Variants in KCNQ2 observed in about 807,000 individuals in gnomAD.
KCNQ2 encodes the protein potassium voltage-gated channel subfamily Q member 2, also known as potassium voltage-gated channel subfamily KQT member 2.
In KCNQ2, 14 loss-of-function variants were observed where a neutral mutation model predicts 84.8. The ratio of observed to expected loss-of-function variants is 0.17; its 90% CI spans 0.11 to 0.26. The LOEUF (loss-of-function observed/expected upper bound fraction) is 0.26. KCNQ2 is among the 10% of genes least tolerant of loss of function. The pLI is 1.00. For synonymous variants in KCNQ2, 599 were observed against 554.1 expected (o/e 1.08, Z -1.14); for missense variants, 788 against 1,254.0 (o/e 0.63, Z 5.61).
chr20:63,442,646 A>T, intron 4 of KCNQ2, 115 bp from the exon 5 acceptor site: 2 of 818,710 alleles, frequency 2.4e-6, no homozygotes, highest in Non-Finnish European at 1.9e-6. Flanking sequence ...CACCACCAAA[A>T]CCATCACCAC....
chr20:63,437,696 T>G (rs927724755), intron 7 of KCNQ2, among the ~76,000 whole-genome samples: 12 of 152,278 alleles, frequency 7.9e-5, no homozygotes, highest in African/African-American at 2.7e-4. Context: ...AGAGAGCCTA[T>G]AGCCACATTC....
In KCNQ2 at chr20:63,426,311, G is replaced by A. The variant is rs570591605; in HGVS notation, c.1217+2056C>T. ...TCCATCTTCAGGCCTCTGTGGAGAC[G>A]GTGGAGGCTGCAGCCGCACACCTGG... On this transcript the variant is annotated intron_variant, in intron 10 of 16. Coordinates refer to ENST00000359125, the MANE Select transcript of KCNQ2 (RefSeq NM_172107.4). Among the ~76,000 whole-genome samples, 12 of 152,344 alleles carry A rather than the reference G, an allele frequency of 7.9e-5. No individual in the cohort carries two copies. In the South Asian group the frequency reaches 1.5e-3, roughly 18 times the overall value.
intron 1 of KCNQ2, among the ~76,000 whole-genome samples, chr20:63,457,924 G>A (rs765568244): frequency 6.6e-5 from 10 of 152,122 alleles, no homozygotes; most frequent in South Asian, 2.1e-4. Flanking sequence ...ACTTCGCAGC[G>A]CCTGCTCACG....
At chr20:63,451,325 T>G (rs2081610377) in intron 1 of KCNQ2, among the ~76,000 whole-genome samples, 1 of 152,006 alleles carries the variant, frequency 6.6e-6, no homozygotes, top group Non-Finnish European at 1.5e-5. Flanking sequence ...CTCTGTCTTG[T>G]GTCTTTTTCC....
At chr20:63,418,074 T>A (rs868177792) in intron 12 of KCNQ2, among the ~76,000 whole-genome samples, 1 of 152,126 alleles carries the variant, frequency 6.6e-6, no homozygotes, top group African/African-American at 2.4e-5. Context: ...ACCCAAACTC[T>A]GCACCCTCCA....
chr20:63,449,722 T>C (rs1309261518), intron 1 of KCNQ2, among the ~76,000 whole-genome samples: 1 of 152,146 alleles, frequency 6.6e-6, no homozygotes, highest in East Asian at 1.9e-4. Context: ...TCTGAGCTCC[T>C]GGGAGAAGAG....
At position 63,469,410 on chromosome 20, in the gene KCNQ2, C is replaced by G. The variant is rs370045608; in HGVS notation, c.296+2758G>C. 1.1e-4 allele frequency among the ~76,000 whole-genome samples: 16 copies of G among 152,358 alleles called. No homozygotes were observed. The South Asian group carries it at 3.3e-3, about 32-fold the overall frequency. On this transcript the variant is annotated intron_variant, in intron 1 of 16. Transcript: ENST00000359125. Reference sequence around the variant, plus strand: ...GGCCACGGCTCCCACAGAGGAGCAACAGTGGATGAAGTCCCTCTCTAACTC... The same window carrying G: ...GGCCACGGCTCCCACAGAGGAGCAAGAGTGGATGAAGTCCCTCTCTAACTC...
chr20:63,457,096 G>A (rs1021664113), intron 1 of KCNQ2, among the ~76,000 whole-genome samples: 3 of 152,258 alleles, frequency 2.0e-5, no homozygotes, highest in Non-Finnish European at 4.4e-5. Flanking sequence ...CAGAAGTGAC[G>A]GGCGCGGGCG....
chr20:63,442,698 CCATCACCATCACCACCACCACCACCAT>C (rs2081212479), intron 4 of KCNQ2, among the ~76,000 whole-genome samples, 167 bp from the exon 5 acceptor site: 1 of 100,284 alleles, frequency 1.0e-5, no homozygotes, highest in Non-Finnish European at 2.1e-5. Flanking sequence ...ACCATCACCA[CCATCACCATCACCACCACCACCACCAT>C]CATCACCACC....
Position 63,425,638 on chromosome 20 carries a change from T to C in KCNQ2, c.1218-1432A>G, listed in dbSNP as rs949636130. Among the ~76,000 whole-genome samples the C allele has an allele frequency of 2.0e-5, 3 of 152,198 alleles. No individual in the cohort carries two copies. The East Asian group carries it at 5.8e-4, about 29-fold the overall frequency. Reference sequence around the variant, plus strand: ...GGGAGGTTGAGGGAGGAGAATCACTTGAACCCAGGAGGCAGAGGTTGCAGT... The same window carrying C: ...GGGAGGTTGAGGGAGGAGAATCACTCGAACCCAGGAGGCAGAGGTTGCAGT... On this transcript the variant is annotated intron_variant, in intron 10 of 16. Coordinates refer to ENST00000359125, the MANE Select transcript of KCNQ2 (RefSeq NM_172107.4). The surrounding 1 kb of genome is among the most constrained non-coding windows in gnomAD (Gnocchi z 5.5).
At chr20:63,412,394 C>G (rs563373971) in intron 15 of KCNQ2, 1 of 168,714 alleles carries the variant, frequency 5.9e-6, no homozygotes, top group Non-Finnish European at 1.3e-5. Flanking sequence ...GGAGGGCGTT[C>G]CGCACACACA....
Position 63,408,254 on chromosome 20 carries a change from G to T in KCNQ2, c.1887+159C>A. ...GGGAGGCTCACGGTGGGGTGTGAGG[G>T]GTCTGCACAGAGCAGCTGTCAGTGG... On this transcript the variant is annotated intron_variant, in intron 16 of 16. Coordinates refer to ENST00000359125, the MANE Select transcript of KCNQ2 (RefSeq NM_172107.4). This position sits in a 1 kb window ranked among gnomAD's most constrained non-coding sequence, Gnocchi z 5.0. 1.1e-6 allele frequency: 1 copy of T among 928,942 alleles called. No homozygotes were observed. Among genetic ancestry groups the T allele is most frequent in the Non-Finnish European group, 1.6e-6 (1 of 615,140 alleles). The allele number at this position is 928,942 out of a possible 1,614,324, so 57.5% of individuals were successfully genotyped here. A position where few individuals can be genotyped will look rare whatever the true frequency, so the allele number is the denominator to read the frequency against.
rs570093942 is a variant in KCNQ2, at chr20:63,417,140, G to A, written c.1302-2014C>T. Among the ~76,000 whole-genome samples the A allele has an allele frequency of 2.0e-5, 3 of 152,316 alleles. No individual in the cohort carries two copies. In the East Asian group the frequency reaches 5.8e-4, roughly 29 times the overall value. On this transcript the variant is annotated intron_variant, in intron 12 of 16. Coordinates refer to ENST00000359125, the MANE Select transcript of KCNQ2 (RefSeq NM_172107.4). ...ACACACCGTGCCCATGGGGGCCAGG[G>A]GTGCTCAGAGTCCTGGTGCTGTGGG... is the stretch of plus-strand genomic sequence containing the variant.
intron 14 of KCNQ2, 33 bp from the exon 15 acceptor site, chr20:63,413,614 G>A (rs766821846): frequency 6.2e-7 from 1 of 1,608,442 alleles, no homozygotes; most frequent in Non-Finnish European, 8.5e-7. Context: ...GTGAGCCCTG[G>A]GCCAGAGACC....
chr20:63,443,161 A>T (rs2081283259), intron 4 of KCNQ2, among the ~76,000 whole-genome samples: 1 of 92,774 alleles, frequency 1.1e-5, no homozygotes, highest in South Asian at 4.4e-4. Context: ...CACCGGCGCC[A>T]CCACCATCAC....
rs572667272 is a variant in KCNQ2 at position 63,442,254 on chromosome 20, C to T, written c.816+152G>A. 2.1e-5 allele frequency: 23 copies of T among 1,101,978 alleles called. 1 individual carries two copies. Among genetic ancestry groups the T allele is most frequent in the African/African-American group, 2.0e-4 (13 of 64,730 alleles). 68.3% of individuals were successfully genotyped at this position (1,101,978 alleles called of 1,614,324 possible). On this transcript the variant is annotated intron_variant, in intron 5 of 16. Coordinates refer to ENST00000359125, the MANE Select transcript of KCNQ2 (RefSeq NM_172107.4). ...CCCGCCAGCTTGGCAACCACCACCC[C>T]GCCTCGACCACAAGCCATCATGACC...
intron 1 of KCNQ2, among the ~76,000 whole-genome samples, chr20:63,454,695 G>A (rs2081724169): frequency 6.6e-6 from 1 of 152,266 alleles, no homozygotes; most frequent in South Asian, 2.1e-4. Flanking sequence ...GAGGCTCACT[G>A]AGGCAGGTGA....
rs1192731705 is a variant in KCNQ2, at chr20:63,442,715, ACCACCACCATCATCACCACCT to A, written c.691-205_691-185del. ...CATCACCACCATCACCATCACCACC[ACCACCACCATCATCACCACCT>A]CCACCATCACCACCATCACCATCAC... On this transcript the variant is annotated intron_variant, in intron 4 of 16. Coordinates refer to ENST00000359125, the MANE Select transcript of KCNQ2 (RefSeq NM_172107.4). 1.2e-4 allele frequency among the ~76,000 whole-genome samples: 13 copies of A among 112,072 alleles called. No individual in the cohort carries two copies. In the East Asian group the frequency reaches 1.7e-3, roughly 14 times the overall value. 73.5% of individuals were successfully genotyped at this position (112,072 alleles called of 152,430 possible).
Position 63,470,534 on chromosome 20 carries a change from C to T in KCNQ2, c.296+1634G>A, listed in dbSNP as rs1014218402. ...CCACGCAGGCCCAGGCAGGGGGCGGCCATGCGGAGAGCTGCTGACCCAACG... is the reference window on the plus strand; with the variant it reads ...CCACGCAGGCCCAGGCAGGGGGCGGTCATGCGGAGAGCTGCTGACCCAACG... On this transcript the variant is annotated intron_variant, in intron 1 of 16. Coordinates refer to ENST00000359125, the MANE Select transcript of KCNQ2 (RefSeq NM_172107.4). Among the ~76,000 whole-genome samples the T allele has an allele frequency of 7.9e-5, 12 of 152,298 alleles. No individual in the cohort carries two copies. The East Asian group carries it at 9.7e-4, about 12-fold the overall frequency.
Sources: allele counts gnomAD v4.1 joint callset (sites outside exome capture counted in the v4.1 genomes callset), GRCh38; gene constraint gnomAD v4.1.1; non-coding constraint Gnocchi (gnomAD v3.1); transcripts MANE v1.5; gene names NCBI Gene and HGNC (gene_info 2026-07-23, HGNC 2026-07-21).